The following NPAS3 variants were observed in gnomAD, a reference collection of about 807,000 sequenced individuals.
NPAS3 encodes neuronal PAS domain protein 3, also known as neuronal PAS domain-containing protein 3.
Under a neutral mutation model 73.1 loss-of-function variants are expected in NPAS3, and 14 were observed. The observed-to-expected ratio is 0.19, with a 90% CI of 0.13 to 0.30. NPAS3 has a LOEUF of 0.30. Ranked by LOEUF, NPAS3 falls within the 10% of genes least tolerant of loss-of-function variation. NPAS3 has a pLI of 1.00. For synonymous variants in NPAS3, 620 were observed against 541.5 expected (o/e 1.14, Z -2.01); for missense variants, 1,096 against 1,250.0 (o/e 0.88, Z 1.86).
chr14:33,145,116 A>G (rs1428157341), intron 2 of NPAS3, among the ~76,000 whole-genome samples: 1 of 152,224 alleles, frequency 6.6e-6, no homozygotes, highest in Admixed American at 6.5e-5. Context: ...ATTTTGTTTA[A>G]GATAAGCTGG....
chr14:33,654,002 G>A (rs2059073622), intron 5 of NPAS3, among the ~76,000 whole-genome samples: 1 of 152,128 alleles, frequency 6.6e-6, no homozygotes, highest in African/African-American at 2.4e-5. Context: ...ATGTAGAGAT[G>A]CTGGATAAAG....
intron 4 of NPAS3, among the ~76,000 whole-genome samples, chr14:33,389,239 T>A (rs1350137801): frequency 4.6e-5 from 7 of 152,224 alleles, no homozygotes; most frequent in Non-Finnish European, 1.0e-4. Flanking sequence ...GGAACAATTA[T>A]GTCAGGAAGT....
At chr14:33,688,683 C>T (rs2060154406) in intron 6 of NPAS3, among the ~76,000 whole-genome samples, 1 of 152,192 alleles carries the variant, frequency 6.6e-6, no homozygotes, top group Non-Finnish European at 1.5e-5. Context: ...AGTTTTAAGA[C>T]AAGACCTGTC....
intron 6 of NPAS3, among the ~76,000 whole-genome samples, chr14:33,733,050 C>G (rs770528465): frequency 6.6e-6 from 1 of 152,182 alleles, no homozygotes; most frequent in African/African-American, 2.4e-5. Flanking sequence ...AGGACCCCAG[C>G]GCTAAAACAG....
intron 6 of NPAS3, among the ~76,000 whole-genome samples, chr14:33,706,473 C>A (rs577842035): frequency 1.2e-4 from 18 of 152,272 alleles, no homozygotes; most frequent in African/African-American, 4.1e-4. Flanking sequence ...AAACACCATG[C>A]CTTCCCCCAT....
At chr14:33,340,739 G>T (rs7152738) in intron 3 of NPAS3, among the ~76,000 whole-genome samples, 1 of 152,020 alleles carries the variant, frequency 6.6e-6, no homozygotes, top group Non-Finnish European at 1.5e-5. Context: ...CTAATGGGTT[G>T]TTTCTACAGA....
chr14:33,801,059 T>A (rs1262111358), exon 12 of NPAS3: 1 of 1,594,910 alleles, frequency 6.3e-7, no homozygotes, highest in African/African-American at 1.3e-5. Context: ...CTTCCCCGTC[T>A]ACAGCAACGG....
intron 5 of NPAS3, among the ~76,000 whole-genome samples, chr14:33,568,548 A>G (rs937749301): frequency 1.3e-5 from 2 of 152,204 alleles, no homozygotes; most frequent in Non-Finnish European, 2.9e-5. Context: ...CCCTATAAGA[A>G]TGATGAGTGA....
intron 7 of NPAS3, among the ~76,000 whole-genome samples, chr14:33,749,604 T>C (rs949769388): frequency 6.6e-6 from 1 of 152,196 alleles, no homozygotes; most frequent in Non-Finnish European, 1.5e-5. Flanking sequence ...TAGAGAGTGA[T>C]GCAATTTGCC....
rs73272467 is a variant in NPAS3 at position 33,205,806 on chromosome 14, C to T, written c.141-9376C>T. 9.2e-3 allele frequency among the ~76,000 whole-genome samples: 1,397 copies of T among 152,274 alleles called. 28 individuals carry two copies. Among genetic ancestry groups the T allele is most frequent in the African/African-American group, 0.032 (1,331 of 41,550 alleles). ...AAAGATCTTTAAACTTGTCAAAGCA[C>T]GCTTTCTCCCTTCCAAATGTGTTAT... On this transcript the variant is annotated intron_variant, in intron 2 of 11. Coordinates refer to ENST00000356141, the Ensembl canonical transcript of NPAS3.
chr14:33,395,150 G>A (rs2047167242), intron 4 of NPAS3, among the ~76,000 whole-genome samples: 1 of 152,144 alleles, frequency 6.6e-6, no homozygotes, highest in Non-Finnish European at 1.5e-5. Context: ...TTCTACTAGA[G>A]AAACTTCTTC....
chr14:33,035,671 C>T (rs1421063445), intron 1 of NPAS3, among the ~76,000 whole-genome samples: 3 of 152,170 alleles, frequency 2.0e-5, no homozygotes, highest in African/African-American at 4.8e-5. Flanking sequence ...AATTACTTTG[C>T]AAAAGGGATT....
chr14:33,388,144 A>G (rs563621156), intron 4 of NPAS3, among the ~76,000 whole-genome samples: 4 of 152,290 alleles, frequency 2.6e-5, no homozygotes, highest in East Asian at 1.9e-4. Flanking sequence ...GGGCTTTGCA[A>G]GGGTATAGGA....
chr14:33,252,059 G>C (rs201361120), intron 3 of NPAS3, among the ~76,000 whole-genome samples: 4 of 11,318 alleles, frequency 3.5e-4, no homozygotes, highest in South Asian at 0.014. Flanking sequence ...GTGTGTGTCT[G>C]TGTGTGTGTG....
intron 4 of NPAS3, among the ~76,000 whole-genome samples, chr14:33,377,492 C>T (rs990186340): frequency 2.0e-5 from 3 of 152,202 alleles, no homozygotes; most frequent in Non-Finnish European, 2.9e-5. Flanking sequence ...GCACATTGCA[C>T]GAAATCCATC....
At chr14:33,573,564 T>G (rs1192238412) in intron 5 of NPAS3, among the ~76,000 whole-genome samples, 2 of 152,162 alleles carry the variant, frequency 1.3e-5, no homozygotes, top group African/African-American at 2.4e-5. Flanking sequence ...GCATTTTCCT[T>G]GTAGGAAACG....
At chr14:33,421,507 C>G (rs1460647055) in intron 4 of NPAS3, among the ~76,000 whole-genome samples, 4 of 150,562 alleles carry the variant, frequency 2.7e-5, no homozygotes, top group Non-Finnish European at 5.9e-5. Flanking sequence ...TTTAAAAACA[C>G]AATTAAGTTC....
chr14:33,648,123 A>C (rs2058886947), intron 5 of NPAS3, among the ~76,000 whole-genome samples: 1 of 152,194 alleles, frequency 6.6e-6, no homozygotes, highest in Non-Finnish European at 1.5e-5. Flanking sequence ...AGAAGGGAAC[A>C]GATCGAGACT....
chr14:33,175,177 G>A (rs1162153626), intron 2 of NPAS3, among the ~76,000 whole-genome samples: 1 of 152,138 alleles, frequency 6.6e-6, no homozygotes, highest in Non-Finnish European at 1.5e-5. Context: ...AATTTAAAAT[G>A]TAGATGGTAA....
Sources: gnomAD v4.1 joint callset for allele counts (sites outside exome capture counted in the v4.1 genomes callset) on GRCh38, gnomAD v4.1.1 for gene constraint, MANE v1.5 for transcripts, NCBI Gene and HGNC (gene_info 2026-07-23, HGNC 2026-07-21) for gene names.